ANXA4: variants seen among roughly 807,000 people sequenced by gnomAD.
The protein encoded by ANXA4 is 35-beta calcimedin.
Under a neutral mutation model 49.8 loss-of-function variants are expected in ANXA4, and 39 were observed. The ratio of observed to expected loss-of-function variants is 0.78; its 90% CI spans 0.61 to 1.02. The LOEUF is 1.02. Ranked by LOEUF, ANXA4 falls within the 50% of genes least tolerant of loss-of-function variation. The probability of loss-of-function intolerance (pLI) is 0.00; values close to 1 mark genes in which losing one functional copy is unlikely to be tolerated. For synonymous variants in ANXA4, 134 were observed against 152.5 expected, an observed-to-expected ratio of 0.88 and a Z score of 0.89; for missense variants, 360 against 410.1, an observed-to-expected ratio of 0.88 and a Z score of 1.05.
chr2:69,728,714 G>T (rs377680904), intron 3 of ANXA4, among the ~76,000 whole-genome samples: 1 of 152,136 alleles, frequency 6.6e-6, no homozygotes, highest in Admixed American at 6.5e-5. Context: ...CTTCCATTCC[G>T]TTTGTCTATT....
chr2:69,764,305 A>G (rs1231280219), intron 1 of ANXA4, among the ~76,000 whole-genome samples: 1 of 152,230 alleles, frequency 6.6e-6, no homozygotes, highest in African/African-American at 2.4e-5. Flanking sequence ...GCGATCTTTC[A>G]TGTTTCCTCG....
chr2:69,688,739 A>G (rs1396422052), intron 2 of ANXA4, among the ~76,000 whole-genome samples: 1 of 152,160 alleles, frequency 6.6e-6, no homozygotes, highest in Admixed American at 6.5e-5. Flanking sequence ...ATCAATTGCT[A>G]TTGTTATTTT....
intron 2 of ANXA4, among the ~76,000 whole-genome samples, chr2:69,657,273 C>T (rs1192509181): frequency 1.3e-5 from 2 of 152,054 alleles, no homozygotes; most frequent in Non-Finnish European, 2.9e-5. Context: ...GATTTACAAG[C>T]ATGAGCCACC....
intron 1 of ANXA4, among the ~76,000 whole-genome samples, chr2:69,768,871 T>G (rs1279427409): frequency 6.6e-6 from 1 of 151,896 alleles, no homozygotes; most frequent in Non-Finnish European, 1.5e-5. Context: ...AGCCCAAGAG[T>G]TCAGGCCCAG....
intron 5 of ANXA4, among the ~76,000 whole-genome samples, chr2:69,807,078 T>G (rs1673472277): frequency 6.6e-6 from 1 of 152,188 alleles, no homozygotes; most frequent in Non-Finnish European, 1.5e-5. Context: ...GAGATTTTCC[T>G]TCATTTACGA....
intron 1 of ANXA4, among the ~76,000 whole-genome samples, chr2:69,652,361 A>T (rs1214574410): frequency 6.6e-6 from 1 of 152,190 alleles, no homozygotes; most frequent in Non-Finnish European, 1.5e-5. Flanking sequence ...ATCTTCTCAT[A>T]AACCTATGAG....
At chr2:69,783,328 G>A (rs1251788905) in intron 2 of ANXA4, among the ~76,000 whole-genome samples, 1 of 152,062 alleles carries the variant, frequency 6.6e-6, no homozygotes, top group African/African-American at 2.4e-5. Flanking sequence ...CGGTTCCCCT[G>A]CCTCAGCCTC....
chr2:69,820,674 G>A lies in ANXA4; in HGVS notation c.784-25G>A, dbSNP rs767254969. ...GAAAAACAGCTAGGTTTTTGTATATGTTTGGATTTCGTTTTCTTCCTTAGG... is the reference window on the plus strand; with the variant it reads ...GAAAAACAGCTAGGTTTTTGTATATATTTGGATTTCGTTTTCTTCCTTAGG... On this transcript the variant is annotated intron_variant, in intron 11 of 12. Coordinates refer to ENST00000394295, the MANE Select transcript of ANXA4 (RefSeq NM_001153.5). 8.7e-6 allele frequency: 14 copies of A among 1,612,616 alleles called. No homozygotes were observed. The Admixed American group carries it at 2.2e-4, about 25-fold the overall frequency.
intron 1 of ANXA4, among the ~76,000 whole-genome samples, chr2:69,652,476 G>A (rs972638040): frequency 1.3e-5 from 2 of 152,154 alleles, no homozygotes; most frequent in Non-Finnish European, 1.5e-5. Flanking sequence ...GAGAAGCTTA[G>A]GGATCTCTAG....
In ANXA4 at chr2:69,656,916, C is replaced by T. The variant is rs958599179; in HGVS notation, n.766+3634C>T. Among the ~76,000 whole-genome samples, 26 of 151,946 alleles carry T rather than the reference C, an allele frequency of 1.7e-4. 1 individual carries two copies. The highest frequency in any genetic ancestry group is 6.3e-4 in the African/African-American group (26 of 41,374). ...ACAGTAGAAATCTACAGCCTTTCAG[C>T]TGGAAACAACTGTGAAATATCATAC... On this transcript the variant is annotated intron_variant and non_coding_transcript_variant, in intron 2 of 3. Transcript: ENST00000418066.
chr2:69,690,427 C>T (rs184373243), intron 2 of ANXA4, among the ~76,000 whole-genome samples: 215 of 152,106 alleles, frequency 1.4e-3, no homozygotes, highest in Non-Finnish European at 2.5e-3. Flanking sequence ...TTAGTAGAGA[C>T]GGTGTTTCAC....
chr2:69,721,502 G>A (rs1236604389), intron 3 of ANXA4, among the ~76,000 whole-genome samples: 1 of 152,144 alleles, frequency 6.6e-6, no homozygotes, highest in Non-Finnish European at 1.5e-5. Context: ...GAGCCCAGGA[G>A]TTGGAGACAA....
At chr2:69,663,167 T>C (rs1183938794) in intron 2 of ANXA4, among the ~76,000 whole-genome samples, 2 of 150,590 alleles carry the variant, frequency 1.3e-5, no homozygotes, top group Non-Finnish European at 3.0e-5. Context: ...TATTTTTTTT[T>C]GTATTTTTAG....
chr2:69,711,246 C>T (rs1678670250), intron 2 of ANXA4, among the ~76,000 whole-genome samples: 1 of 152,202 alleles, frequency 6.6e-6, no homozygotes, highest in Admixed American at 6.5e-5. Context: ...GGGAGAACCG[C>T]TTGAACCCAG....
At chr2:69,733,295 A>G (rs1384460749) in intron 3 of ANXA4, among the ~76,000 whole-genome samples, 1 of 152,216 alleles carries the variant, frequency 6.6e-6, no homozygotes, top group East Asian at 1.9e-4. Context: ...CTAACACCAG[A>G]AAACTGTTGG....
At chr2:69,730,127 G>A (rs1220610362) in intron 3 of ANXA4, among the ~76,000 whole-genome samples, 1 of 152,108 alleles carries the variant, frequency 6.6e-6, no homozygotes, top group African/African-American at 2.4e-5. Flanking sequence ...ATCGCTTGAG[G>A]CCAGGAGTTT....
intron 3 of ANXA4, among the ~76,000 whole-genome samples, chr2:69,723,849 C>A (rs1669886723): frequency 6.6e-6 from 1 of 152,228 alleles, no homozygotes; most frequent in East Asian, 1.9e-4. Context: ...CCACTGCACC[C>A]AGCCTGTGAT....
intron 2 of ANXA4, among the ~76,000 whole-genome samples, chr2:69,693,815 G>C (rs1678061591): frequency 6.6e-6 from 1 of 152,148 alleles, no homozygotes; most frequent in Admixed American, 6.5e-5. Context: ...TGACAACACA[G>C]GCCCCTTGTT....
At chr2:69,730,023 A>G (rs1170906945) in intron 3 of ANXA4, among the ~76,000 whole-genome samples, 1 of 152,182 alleles carries the variant, frequency 6.6e-6, no homozygotes. Flanking sequence ...CGTGCCCTTT[A>G]TTCCCTGAAG....
Sources: allele counts gnomAD v4.1 joint callset (sites outside exome capture counted in the v4.1 genomes callset), GRCh38; gene constraint gnomAD v4.1.1; transcripts MANE v1.5; gene names NCBI Gene and HGNC (gene_info 2026-07-23, HGNC 2026-07-21).